PTPRS: variants seen among roughly 807,000 people sequenced by gnomAD.
The protein encoded by PTPRS is protein tyrosine phosphatase receptor type S.
In PTPRS, 63 loss-of-function variants were observed where a neutral mutation model predicts 215.3. The observed-to-expected ratio is 0.29, with a 90% CI of 0.24 to 0.36. The LOEUF (loss-of-function observed/expected upper bound fraction) is 0.36, where lower values mean the gene tolerates loss of function less well. Ranked by LOEUF, PTPRS falls within the 10% of genes least tolerant of loss-of-function variation. PTPRS has a pLI of 1.00. For synonymous variants in PTPRS, 1,404 were observed against 1,191.4 expected (o/e 1.18, Z -3.68); for missense variants, 2,258 against 2,825.8 (o/e 0.80, Z 4.56).
In PTPRS at chr19:5,261,917, G is replaced by A. The variant is rs554176072; in HGVS notation, c.577+1047C>T. 6.6e-5 allele frequency among the ~76,000 whole-genome samples: 10 copies of A among 152,334 alleles called. No individual in the cohort carries two copies. The South Asian group carries it at 8.3e-4, about 13-fold the overall frequency. On this transcript the variant is annotated intron_variant, in intron 6 of 37. Coordinates refer to ENST00000262963, the MANE Select transcript of PTPRS (RefSeq NM_002850.4). ...CTGGAGAACTGGAATCCGAGTCAGC[G>A]GAAATCCAGGCTGGCCTTTGCTAGG...
Position 5,246,060 on chromosome 19 carries a change from G to A in PTPRS, c.719-15C>T. 6.9e-7 allele frequency: 1 copy of A among 1,440,370 alleles called. No homozygotes were observed. The highest frequency in any genetic ancestry group is 9.2e-7 in the Non-Finnish European group (1 of 1,089,726). The allele number at this position is 1,440,370 out of a possible 1,614,324, so 89.2% of individuals were successfully genotyped here. A position where few individuals can be genotyped will look rare whatever the true frequency, so the allele number is the denominator to read the frequency against. On this transcript the variant is annotated splice_polypyrimidine_tract_variant and intron_variant, in intron 9 of 37. Coordinates refer to ENST00000262963, the MANE Select transcript of PTPRS (RefSeq NM_002850.4). Reference sequence around the variant, plus strand: ...CACGCGGCGGACTGGGGAGGGGGCGGCAGTGGCGGCGGGAGGGAGATGCGA... The same window carrying A: ...CACGCGGCGGACTGGGGAGGGGGCGACAGTGGCGGCGGGAGGGAGATGCGA...
At chr19:5,309,806 C>T (rs963957408) in intron 1 of PTPRS, among the ~76,000 whole-genome samples, 7 of 152,250 alleles carry the variant, frequency 4.6e-5, no homozygotes, top group African/African-American at 1.7e-4. Flanking sequence ...CCTGGTCCAC[C>T]CCCATCATCC....
intron 1 of PTPRS, among the ~76,000 whole-genome samples, chr19:5,312,148 G>T (rs1468733860): frequency 1.3e-5 from 2 of 152,130 alleles, no homozygotes; most frequent in Non-Finnish European, 2.9e-5. Context: ...GAAAGCAAAA[G>T]AGAGAGACAA....
At chr19:5,206,884 A>G (rs1457379639) in intron 37 of PTPRS, 42 bp from the exon 38 acceptor site, 2 of 1,583,908 alleles carry the variant, frequency 1.3e-6, no homozygotes. Context: ...CCGCTGCTCT[A>G]ACGCCTCCCA....
At chr19:5,316,374 T>A (rs1213540737) in intron 1 of PTPRS, among the ~76,000 whole-genome samples, 1 of 152,024 alleles carries the variant, frequency 6.6e-6, no homozygotes, top group African/African-American at 2.4e-5. Context: ...CCAGATTTGC[T>A]GATTGGGTTT....
chr19:5,245,967 C>T lies in PTPRS; in HGVS notation c.797G>A (p.Cys266Tyr). The part of the protein sequence containing the change: ...IMPGGNVNIT[C>Y]VAVGSPMPYV... The stretch of plus-strand genomic sequence containing the variant: ...TGGCATGGGCGAGCCCACGGCCACG[C>T]AGGTGATGTTCACGTTGCCCCCTGG... Residue 266 changes from cysteine (C) to tyrosine (Y), a missense_variant, in exon 10 of 38, where the codon TGC (cysteine) becomes TAC (tyrosine). Around this residue, in one of 6 missense-constraint regions of PTPRS, gnomAD observed 508 missense variants for 799.4 expected, o/e 0.64. Transcript: ENST00000262963. 6.2e-7 allele frequency: 1 copy of T among 1,607,814 alleles called. No individual in the cohort carries two copies. The highest frequency in any genetic ancestry group is 8.5e-7 in the Non-Finnish European group (1 of 1,176,948).
intron 2 of PTPRS, among the ~76,000 whole-genome samples, chr19:5,284,739 G>C (rs2048193972): frequency 6.6e-6 from 1 of 152,018 alleles, no homozygotes; most frequent in Admixed American, 6.6e-5. Context: ...TTGAGCTCAG[G>C]AGTTCGAGAC....
intron 16 of PTPRS, among the ~76,000 whole-genome samples, chr19:5,227,939 C>CCCCCCCCCCG (rs1283340206): frequency 8.6e-5 from 13 of 151,758 alleles, no homozygotes; most frequent in African/African-American, 3.2e-4. Flanking sequence ...CACACACGCA[C>CCCCCCCCCCG]CCCCCCAAGC....
Position 5,258,031 on chromosome 19 carries a change from T to C in PTPRS, c.692A>G (p.Asn231Ser), listed in dbSNP as rs1222540404. The C allele has an allele frequency of 1.1e-5, 17 of 1,613,802 alleles. No individual in the cohort carries two copies. Among genetic ancestry groups the C allele is most frequent in the Non-Finnish European group, 1.4e-5 (17 of 1,179,906 alleles). The change falls in exon 8 of 38, where the codon AAC (asparagine) becomes AGC (serine). Residue 231 changes from asparagine to serine, a missense_variant. Coordinates refer to ENST00000262963, the MANE Select transcript of PTPRS (RefSeq NM_002850.4). ...SAGVRYSSPA[N>S]LYVRELREVR... ...GCGTTCCCTACCTCGCACGTAGAGGTTGGCAGGTGAGGAGTAGCGCACGCC... is the reference window on the plus strand; with the variant it reads ...GCGTTCCCTACCTCGCACGTAGAGGCTGGCAGGTGAGGAGTAGCGCACGCC...
intron 1 of PTPRS, among the ~76,000 whole-genome samples, chr19:5,307,268 A>T (rs978982758): frequency 4.6e-5 from 7 of 152,222 alleles, no homozygotes; most frequent in Non-Finnish European, 8.8e-5. Flanking sequence ...AGATCATGCC[A>T]TTGCACTCTA....
chr19:5,211,615 T>G lies in PTPRS; in HGVS notation c.5209A>C (p.Asn1737His). 6.2e-7 allele frequency: 1 copy of G among 1,610,296 alleles called. No homozygotes were observed. Among genetic ancestry groups the G allele is most frequent in the Non-Finnish European group, 8.5e-7 (1 of 1,176,934 alleles). The change falls in exon 33 of 38, where the codon AAC becomes CAC. Residue 1737 changes from asparagine to histidine, a missense_variant. Transcript: ENST00000262963. ...CTGTAGCCATCAATGAAGCTGGCGT[T>G]GATGTAGTCAGAGCCCTCCACACCC... is the stretch of plus-strand genomic sequence containing the variant. Reference protein sequence around the residue: ...IRGVEGSDYINASFIDGYRQQ... With the variant: ...IRGVEGSDYIHASFIDGYRQQ...
intron 19 of PTPRS, among the ~76,000 whole-genome samples, chr19:5,221,850 C>G (rs2042004361): frequency 6.6e-6 from 1 of 152,164 alleles, no homozygotes; most frequent in African/African-American, 2.4e-5. Flanking sequence ...TAATCCCAGA[C>G]TGAACCTCAA....
At chr19:5,252,648 G>A (rs1228267258) in intron 9 of PTPRS, among the ~76,000 whole-genome samples, 1 of 149,776 alleles carries the variant, frequency 6.7e-6, no homozygotes, top group African/African-American at 2.5e-5. Context: ...TGGAGGCCGA[G>A]GCAGGTAGAT....
intron 13 of PTPRS, among the ~76,000 whole-genome samples, chr19:5,236,987 T>C (rs544831008): frequency 1.3e-5 from 2 of 151,944 alleles, no homozygotes; most frequent in South Asian, 4.1e-4. Flanking sequence ...AAAAACTTAA[T>C]AAAAGAAAGA....
Position 5,219,381 on chromosome 19 carries a change from G to A in PTPRS, c.3852C>T (p.Ile1284=). The A allele has an allele frequency of 6.2e-7, 1 of 1,613,870 alleles. No individual in the cohort carries two copies. The highest frequency in any genetic ancestry group is 8.5e-7 in the Non-Finnish European group (1 of 1,179,892). Residue 1284 remains isoleucine (I), a synonymous_variant, in exon 23 of 38, where the codon ATC becomes ATT. Coordinates refer to ENST00000262963, the MANE Select transcript of PTPRS (RefSeq NM_002850.4). The stretch of plus-strand genomic sequence containing the variant: ...CGGCCAGCACAGGCCCGATCACCCA[G>A]ATAAGCCCCTCCTCGCCATCCACGA... ...QPIVDGEEGL[I]WVIGPVLAVV...
intron 2 of PTPRS, among the ~76,000 whole-genome samples, chr19:5,283,114 G>A (rs1296316275): frequency 2.0e-5 from 3 of 152,238 alleles, no homozygotes; most frequent in Admixed American, 2.0e-4. Context: ...TTCAGATTCT[G>A]CAGACAAGAA....
Position 5,206,710 on chromosome 19 carries a change from G to A in PTPRS, c.*64C>T. On this transcript the variant is annotated 3_prime_UTR_variant, in exon 38 of 38. Transcript: ENST00000262963. The stretch of plus-strand genomic sequence containing the variant: ...CCACTGGGGGTCCAGGCCTCAGGAG[G>A]TCCGCCCGGGAGGGGCAGAGGCATC... 1 of 1,463,614 alleles carries A rather than the reference G, an allele frequency of 6.8e-7. No homozygotes were observed. The highest frequency in any genetic ancestry group is 1.7e-5 in the Admixed American group (1 of 59,292). 90.7% of individuals were successfully genotyped at this position (1,463,614 alleles called of 1,614,324 possible).
chr19:5,305,240 A>AT (rs2049441780), intron 1 of PTPRS, among the ~76,000 whole-genome samples: 1 of 152,096 alleles, frequency 6.6e-6, no homozygotes, highest in African/African-American at 2.4e-5. Flanking sequence ...CACTTACTAA[A>AT]TTCTCCTCAG....
chr19:5,305,934 CGTCT>C (rs2049475264), intron 1 of PTPRS, among the ~76,000 whole-genome samples: 1 of 25,224 alleles, frequency 4.0e-5, no homozygotes, highest in African/African-American at 3.9e-4. Context: ...AGCAAGACTC[CGTCT>C]CAAAAAAAAA....
Sources: gnomAD v4.1 joint callset for allele counts (sites outside exome capture counted in the v4.1 genomes callset) on GRCh38, gnomAD v4.1.1 for gene constraint, gnomAD v4.1.1 regional missense constraint, MANE v1.5 for transcripts, NCBI Gene and HGNC (gene_info 2026-07-23, HGNC 2026-07-21) for gene names.